ELMO1: variants seen among roughly 807,000 people sequenced by gnomAD.
ELMO1 encodes engulfment and cell motility protein 1.
In ELMO1, 26 loss-of-function variants were observed where a neutral mutation model predicts 98.9. That is an observed-to-expected ratio of 0.26 (90% confidence interval 0.19 to 0.36). The LOEUF is 0.36. Ranked by LOEUF, ELMO1 falls within the 10% of genes least tolerant of loss-of-function variation. The probability of loss-of-function intolerance (pLI) is 1.00; values close to 1 mark genes in which losing one functional copy is unlikely to be tolerated. For missense variants in ELMO1, 627 were observed against 935.2 expected (o/e 0.67, Z 4.30); for synonymous variants, 346 against 346.0 (o/e 1.00, Z 0.00).
chr7:36,963,820 C>T (rs1468416090), intron 16 of ELMO1, among the ~76,000 whole-genome samples: 1 of 152,104 alleles, frequency 6.6e-6, no homozygotes, highest in Admixed American at 6.5e-5. Flanking sequence ...GCCCTTCTGC[C>T]CTGCCCCTGG....
chr7:36,879,813 A>G (rs77847792), intron 18 of ELMO1, among the ~76,000 whole-genome samples: 3,299 of 152,366 alleles, frequency 0.022, 84 homozygotes, highest in East Asian at 0.074. Flanking sequence ...TGCTATGTAT[A>G]TACCAAACAT....
intron 13 of ELMO1, among the ~76,000 whole-genome samples, chr7:37,183,193 CAGA>C (rs1790990414): frequency 6.6e-6 from 1 of 150,722 alleles, no homozygotes; most frequent in Non-Finnish European, 1.5e-5. Flanking sequence ...CGATCTGGCA[CAGA>C]AGGAGAAGGA....
intron 17 of ELMO1, 51 bp from the exon 18 acceptor site, chr7:36,887,723 T>A (rs777810654): frequency 1.8e-5 from 28 of 1,568,586 alleles, no homozygotes; most frequent in Non-Finnish European, 2.3e-5. Flanking sequence ...AAACAGAGTG[T>A]GGCTTGGTGG....
At chr7:36,997,809 TGAG>T (rs1053066681) in intron 16 of ELMO1, 2 of 152,106 alleles carry the variant, frequency 1.3e-5, no homozygotes, top group African/African-American at 4.8e-5. Flanking sequence ...GCCATGGGAA[TGAG>T]GAATGGAGAG....
Position 37,272,517 on chromosome 7 carries a change from A to G in ELMO1, c.193-635T>C, listed in dbSNP as rs1796617147. Among the ~76,000 whole-genome samples the G allele has an allele frequency of 2.0e-5, 3 of 152,208 alleles. No individual in the cohort carries two copies. In the South Asian group the frequency reaches 6.2e-4, roughly 32 times the overall value. On this transcript the variant is annotated intron_variant, in intron 4 of 21. Coordinates refer to ENST00000310758, the MANE Select transcript of ELMO1 (RefSeq NM_014800.11). Reference sequence around the variant, plus strand: ...ACCCCGTCTCTAATAAAAATACAAAAAGAAAAAATTAGCCAGGCATAGTGG... The same window carrying G: ...ACCCCGTCTCTAATAAAAATACAAAGAGAAAAAATTAGCCAGGCATAGTGG...
intron 8 of ELMO1, among the ~76,000 whole-genome samples, chr7:37,226,851 A>G (rs748325519): frequency 3.3e-5 from 5 of 152,192 alleles, no homozygotes; most frequent in Admixed American, 6.5e-5. Flanking sequence ...CGTGTGTACT[A>G]TGTAACAGGC....
chr7:36,993,868 T>A (rs906175453), intron 16 of ELMO1, among the ~76,000 whole-genome samples: 1 of 152,218 alleles, frequency 6.6e-6, no homozygotes, highest in African/African-American at 2.4e-5. Context: ...CTCCACACAA[T>A]GAAAAGCATG....
At chr7:37,004,611 A>T (rs74601707) in intron 16 of ELMO1, among the ~76,000 whole-genome samples, 1,963 of 152,326 alleles carry the variant, frequency 0.013, 30 homozygotes, top group South Asian at 0.029. Flanking sequence ...CTCATGCAAA[A>T]TCTTGAACAC....
At chr7:37,433,425 G>A (rs1366177647) in intron 1 of ELMO1, among the ~76,000 whole-genome samples, 1 of 152,186 alleles carries the variant, frequency 6.6e-6, no homozygotes, top group African/African-American at 2.4e-5. Context: ...AGTCACGGAA[G>A]GTTCTCAGAG....
chr7:37,104,144 G>A (rs948489661), intron 14 of ELMO1, among the ~76,000 whole-genome samples: 2 of 150,632 alleles, frequency 1.3e-5, no homozygotes, highest in Non-Finnish European at 3.0e-5. Context: ...CCACCTCCCC[G>A]GGTGTTGTCT....
chr7:37,277,361 G>A (rs930308910), intron 4 of ELMO1, among the ~76,000 whole-genome samples: 6 of 152,232 alleles, frequency 3.9e-5, no homozygotes, highest in Admixed American at 6.5e-5. Context: ...CTGGGCATAG[G>A]CAGGATTTCC....
chr7:37,115,395 A>G (rs1785521873), intron 14 of ELMO1, among the ~76,000 whole-genome samples: 1 of 152,230 alleles, frequency 6.6e-6, no homozygotes, highest in Non-Finnish European at 1.5e-5. Context: ...AGAATTATGC[A>G]CCACAACCGA....
chr7:36,968,790 G>T, intron 16 of ELMO1, among the ~76,000 whole-genome samples: 1 of 150,984 alleles, frequency 6.6e-6, no homozygotes, highest in Non-Finnish European at 1.5e-5. Flanking sequence ...TGTATTCTTT[G>T]GGTGCTTTTG....
intron 16 of ELMO1, among the ~76,000 whole-genome samples, chr7:36,987,680 A>C (rs1388497585): frequency 6.6e-6 from 1 of 152,162 alleles, no homozygotes; most frequent in Admixed American, 6.5e-5. Flanking sequence ...CCACTGTCTA[A>C]ACAGCAACAG....
At chr7:37,338,300 T>C (rs1224685472) in intron 2 of ELMO1, among the ~76,000 whole-genome samples, 1 of 152,138 alleles carries the variant, frequency 6.6e-6, no homozygotes, top group East Asian at 1.9e-4. Flanking sequence ...AATGTTTGTG[T>C]CTCCCCAAAA....
At chr7:37,192,599 G>A (rs990288362) in intron 13 of ELMO1, among the ~76,000 whole-genome samples, 2 of 150,708 alleles carry the variant, frequency 1.3e-5, no homozygotes, top group Admixed American at 6.6e-5. Context: ...AGGAGTTCGA[G>A]CCAGCCTGGG....
intron 1 of ELMO1, among the ~76,000 whole-genome samples, chr7:37,413,371 T>C (rs1018682550): frequency 6.6e-6 from 1 of 152,188 alleles, no homozygotes; most frequent in Non-Finnish European, 1.5e-5. Flanking sequence ...CTGACCAGAC[T>C]GAAAGACCAG....
intron 7 of ELMO1, among the ~76,000 whole-genome samples, chr7:37,237,553 G>A (rs1253639475): frequency 6.6e-6 from 1 of 152,168 alleles, no homozygotes; most frequent in East Asian, 1.9e-4. Context: ...GCCTCCCAAA[G>A]TGCTGGGATT....
chr7:37,152,964 G>A (rs1788465663), intron 13 of ELMO1, among the ~76,000 whole-genome samples: 1 of 152,174 alleles, frequency 6.6e-6, no homozygotes, highest in South Asian at 2.1e-4. Context: ...ATCTGCCGGA[G>A]CGGACACCTA....
Sources: allele counts gnomAD v4.1 joint callset (sites outside exome capture counted in the v4.1 genomes callset), GRCh38; gene constraint gnomAD v4.1.1; transcripts MANE v1.5; gene names NCBI Gene and HGNC (gene_info 2026-07-23, HGNC 2026-07-21).